MAD1L1: variants seen among roughly 807,000 people sequenced by gnomAD.
MAD1L1 encodes mitotic arrest deficient 1 like 1.
A neutral mutation model predicts 96.9 loss-of-function variants in MAD1L1; 95 were observed. The ratio of observed to expected loss-of-function variants is 0.98; its 90% CI spans 0.83 to 1.16. MAD1L1 has a LOEUF of 1.16. Among genes scored for constraint, MAD1L1 ranks in the 50% most tolerant of loss-of-function variants. The pLI is 0.00. For synonymous variants in MAD1L1, 473 were observed against 396.6 expected (o/e 1.19, Z -2.29); for missense variants, 1,007 against 954.4 (o/e 1.06, Z -0.73).
At chr7:1,970,492 C>T (rs998743258) in intron 15 of MAD1L1, among the ~76,000 whole-genome samples, 2 of 151,970 alleles carry the variant, frequency 1.3e-5, no homozygotes, top group Non-Finnish European at 2.9e-5. Flanking sequence ...CGCCACCACG[C>T]CCAGCTAAGT....
rs888985636 is a variant in MAD1L1 at position 2,124,924 on chromosome 7, G to A, written c.1073+24228C>T. On this transcript the variant is annotated intron_variant, in intron 11 of 18. Coordinates refer to ENST00000265854, the MANE Select transcript of MAD1L1 (RefSeq NM_001013836.2). ...TGAGAAGGGTGCAGGAGCTGCAGGC[G>A]GCCTTCCAGCCCCAGGGCAGGAGAC... 5.9e-5 allele frequency among the ~76,000 whole-genome samples: 9 copies of A among 152,188 alleles called. 1 individual carries two copies. Among genetic ancestry groups the A allele is most frequent in the East Asian group, 3.9e-4 (2 of 5,194 alleles).
intron 11 of MAD1L1, among the ~76,000 whole-genome samples, chr7:2,116,142 A>T (rs1787678481): frequency 6.6e-6 from 1 of 152,178 alleles, no homozygotes; most frequent in African/African-American, 2.4e-5. Flanking sequence ...GTCCACACTG[A>T]CGTGTTGGCT....
At chr7:1,827,195 G>A (rs936798974) in intron 18 of MAD1L1, among the ~76,000 whole-genome samples, 7 of 152,230 alleles carry the variant, frequency 4.6e-5, no homozygotes, top group Non-Finnish European at 2.9e-5. Flanking sequence ...AGGAGGTGGC[G>A]GGGATGGAGA....
At chr7:2,225,323 T>C (rs1010632427) in intron 4 of MAD1L1, 87 bp downstream of exon 4, 10 of 1,402,502 alleles carry the variant, frequency 7.1e-6, no homozygotes, top group Non-Finnish European at 9.8e-6. Flanking sequence ...GACTAGGATG[T>C]GATTTCTTAT....
intron 11 of MAD1L1, among the ~76,000 whole-genome samples, chr7:2,134,872 A>G (rs1445164191): frequency 6.6e-6 from 1 of 152,212 alleles, no homozygotes; most frequent in Non-Finnish European, 1.5e-5. Flanking sequence ...AACACCTGAA[A>G]GAAGTCAGCT....
At chr7:1,826,055 C>T (rs565245144) in intron 18 of MAD1L1, among the ~76,000 whole-genome samples, 23 of 151,832 alleles carry the variant, frequency 1.5e-4, no homozygotes, top group South Asian at 4.2e-4. Flanking sequence ...ACGTCAAGAC[C>T]GTGCTGAGCC....
intron 17 of MAD1L1, among the ~76,000 whole-genome samples, chr7:1,903,230 T>A (rs12699439): frequency 1.4e-5 from 2 of 148,136 alleles, no homozygotes; most frequent in East Asian, 2.1e-4. Flanking sequence ...TGAAGCACTG[T>A]TCCAGGCAGT....
At chr7:2,145,876 G>A (rs905142694) in intron 11 of MAD1L1, among the ~76,000 whole-genome samples, 5 of 152,244 alleles carry the variant, frequency 3.3e-5, no homozygotes, top group Non-Finnish European at 2.9e-5. Context: ...CCGACCCACA[G>A]GACCTGCTGA....
chr7:2,201,208 C>T (rs948901220), intron 10 of MAD1L1, among the ~76,000 whole-genome samples: 3 of 113,804 alleles, frequency 2.6e-5, no homozygotes, highest in Non-Finnish European at 6.4e-5. Flanking sequence ...GGGAAGTCCT[C>T]GGAGAGAAGG....
chr7:2,152,860 G>A (rs1008572708), intron 10 of MAD1L1, among the ~76,000 whole-genome samples: 1 of 152,184 alleles, frequency 6.6e-6, no homozygotes, highest in African/African-American at 2.4e-5. Flanking sequence ...CTGGCATTGG[G>A]AGGCCGGGAG....
intron 10 of MAD1L1, among the ~76,000 whole-genome samples, chr7:2,182,860 G>A (rs1186330008): frequency 1.3e-5 from 2 of 152,168 alleles, no homozygotes; most frequent in Non-Finnish European, 2.9e-5. Context: ...ACAATCTTCT[G>A]GAATTAGACA....
intron 11 of MAD1L1, among the ~76,000 whole-genome samples, chr7:2,148,138 C>G (rs1287423390): frequency 1.3e-5 from 2 of 152,212 alleles, no homozygotes; most frequent in Admixed American, 6.5e-5. Context: ...CAACCAGATG[C>G]TTCTAAAAGC....
intron 18 of MAD1L1, chr7:1,849,201 G>C (rs1783827582): frequency 6.6e-6 from 1 of 151,948 alleles, no homozygotes; most frequent in Non-Finnish European, 1.5e-5. Flanking sequence ...GCTGTGCGAG[G>C]CTGTCGAGGG....
chr7:2,006,530 G>A (rs574990611), intron 13 of MAD1L1, among the ~76,000 whole-genome samples: 1 of 151,978 alleles, frequency 6.6e-6, no homozygotes, highest in East Asian at 1.9e-4. Context: ...AGAAAACACC[G>A]AAACCCGCAC....
rs1781791287 is a variant in MAD1L1, at chr7:1,816,186, CTG to C, written c.2039_2040del (p.Thr680ArgfsTer80). 1.9e-6 allele frequency: 3 copies of C among 1,613,432 alleles called. No homozygotes were observed. Among genetic ancestry groups the C allele is most frequent in the Non-Finnish European group, 1.7e-6 (2 of 1,179,836 alleles). ...AGCTCGCCCACGGTGTGTGAGAACTCTGTCTCCAGTAGCTGCATCTTGGAACC... is the reference window on the plus strand; with the variant it reads ...AGCTCGCCCACGGTGTGTGAGAACTCTCTCCAGTAGCTGCATCTTGGAACC... ...PSGSKMQLLE[T>X]EFSHTVGELI... On this transcript the variant is annotated frameshift_variant, in exon 19 of 19. Coordinates refer to ENST00000265854, the MANE Select transcript of MAD1L1 (RefSeq NM_001013836.2). LOFTEE classifies it high-confidence loss of function.
intron 13 of MAD1L1, among the ~76,000 whole-genome samples, chr7:2,003,563 G>C (rs1269791358): frequency 6.6e-6 from 1 of 152,062 alleles, no homozygotes; most frequent in Non-Finnish European, 1.5e-5. Context: ...CAGGCTCCAG[G>C]TGCTCCCGTG....
chr7:1,842,067 T>A (rs1184244768), intron 18 of MAD1L1, among the ~76,000 whole-genome samples: 4 of 152,252 alleles, frequency 2.6e-5, no homozygotes, highest in African/African-American at 9.6e-5. Context: ...TTGGCAGGGC[T>A]GAAAATTTGA....
intron 18 of MAD1L1, among the ~76,000 whole-genome samples, chr7:1,866,292 T>TA (rs1784777294): frequency 6.6e-6 from 1 of 152,228 alleles, no homozygotes. Flanking sequence ...TGGGAGGAGA[T>TA]AGACGCCTAG....
intron 10 of MAD1L1, among the ~76,000 whole-genome samples, chr7:2,196,519 C>A (rs984704067): frequency 2.0e-5 from 3 of 152,244 alleles, no homozygotes; most frequent in Non-Finnish European, 4.4e-5. Context: ...TTAAAGCTGT[C>A]TGTGTGTGTG....
Sources: gnomAD v4.1 joint callset for allele counts (sites outside exome capture counted in the v4.1 genomes callset) on GRCh38, gnomAD v4.1.1 for gene constraint, MANE v1.5 for transcripts, NCBI Gene and HGNC (gene_info 2026-07-23, HGNC 2026-07-21) for gene names.